Variants in ITPR2 observed in about 807,000 individuals in gnomAD.
The protein encoded by ITPR2 is inositol 1,4,5-trisphosphate receptor type 2.
Under a neutral mutation model 317.1 loss-of-function variants are expected in ITPR2, and 207 were observed. That is an observed-to-expected ratio of 0.65 (90% CI 0.58 to 0.73). The LOEUF (loss-of-function observed/expected upper bound fraction) is 0.73. Among genes scored for constraint, ITPR2 ranks in the 30% least tolerant of loss-of-function variants. The probability of loss-of-function intolerance (pLI) is 0.00; values close to 1 mark genes in which losing one functional copy is unlikely to be tolerated. For synonymous variants in ITPR2, 1,156 were observed against 1,149.1 expected (o/e 1.01, Z -0.12); for missense variants, 2,613 against 3,284.0 (o/e 0.80, Z 4.99).
Position 26,417,293 on chromosome 12 carries a change from A to G in ITPR2, c.7110+1756T>C, listed in dbSNP as rs1940749052. 2.6e-5 allele frequency among the ~76,000 whole-genome samples: 4 copies of G among 152,338 alleles called. No homozygotes were observed. In the South Asian group the frequency reaches 8.3e-4, roughly 32 times the overall value. ...TGTAAGATTTGAAAGATAAAAGACC[A>G]GAGGAAAATACAATTAGAAAATGGG... On this transcript the variant is annotated intron_variant, in intron 50 of 56. Transcript: ENST00000381340.
intron 20 of ITPR2, among the ~76,000 whole-genome samples, chr12:26,655,096 C>A (rs1222860323): frequency 3.9e-5 from 6 of 152,152 alleles, no homozygotes; most frequent in Admixed American, 3.9e-4. Flanking sequence ...ACTACATCCC[C>A]AAACTGAAAG....
At chr12:26,553,438 C>T (rs555960857) in intron 36 of ITPR2, among the ~76,000 whole-genome samples, 4 of 152,254 alleles carry the variant, frequency 2.6e-5, no homozygotes, top group Admixed American at 1.3e-4. Flanking sequence ...TAGGGCTTGG[C>T]CCTAAATTTA....
chr12:26,515,450 ACTGAC>A (rs1356606234), intron 37 of ITPR2, among the ~76,000 whole-genome samples: 70 of 152,100 alleles, frequency 4.6e-4, no homozygotes, highest in Non-Finnish European at 9.0e-4. Flanking sequence ...TAAGGCCCAC[ACTGAC>A]TTCCAGCATG....
Position 26,782,674 on chromosome 12 carries a change from T to C in ITPR2, c.163+7483A>G, listed in dbSNP as rs367647366. ...TGGTTGCATAACTTCTTATACTTAC[T>C]TTCTCCACTGCAAAATCAGGATAGC... On this transcript the variant is annotated intron_variant, in intron 2 of 56. Coordinates refer to ENST00000381340, the MANE Select transcript of ITPR2 (RefSeq NM_002223.4). 1.3e-3 allele frequency among the ~76,000 whole-genome samples: 200 copies of C among 152,310 alleles called. 3 individuals are homozygous for C. Among genetic ancestry groups the C allele is most frequent in the African/African-American group, 4.3e-4 (18 of 41,584 alleles).
In ITPR2 at chr12:26,515,852, G is replaced by A. The variant is rs376001257; in HGVS notation, c.5074-20592C>T. Among the ~76,000 whole-genome samples, 37 of 151,996 alleles carry A rather than the reference G, an allele frequency of 2.4e-4. No individual in the cohort carries two copies. The East Asian group carries it at 2.9e-3, about 12-fold the overall frequency. On this transcript the variant is annotated intron_variant, in intron 37 of 56. Coordinates refer to ENST00000381340, the MANE Select transcript of ITPR2 (RefSeq NM_002223.4). ...GGCCCGGGTATGGTGGCTCATGCCT[G>A]TAATCCCAGCACTTTGGGAGGCTGA...
At position 26,715,439 on chromosome 12, in the gene ITPR2, C is replaced by T. The variant is rs1948722475; in HGVS notation, c.715G>A (p.Val239Ile). The change falls in exon 8 of 57, where the codon GTT (valine) becomes ATT (isoleucine). Residue 239 changes from valine to isoleucine, a missense_variant. Val to Ile is a conservative substitution (Grantham distance 29). Coordinates refer to ENST00000381340, the MANE Select transcript of ITPR2 (RefSeq NM_002223.4). The part of the protein sequence containing the change: ...YREDVLKGGD[V>I]VRLFHAEQEK... ...TGTTCCGCATGAAATAATCTAACAA[C>T]GTCCCCCTAGCAAAAAGGTCAAGAG... 1 of 1,612,366 alleles carries T rather than the reference C, an allele frequency of 6.2e-7. No homozygotes were observed. The highest frequency in any genetic ancestry group is 8.5e-7 in the Non-Finnish European group (1 of 1,179,116).
intron 11 of ITPR2, 141 bp from the exon 12 acceptor site, chr12:26,682,814 G>C (rs983697382): frequency 1.7e-6 from 1 of 595,874 alleles, no homozygotes; most frequent in Admixed American, 3.1e-5. Flanking sequence ...GCTTTAAGGG[G>C]AAATTCGGAA....
intron 37 of ITPR2, among the ~76,000 whole-genome samples, chr12:26,544,472 G>A (rs1234695269): frequency 4.6e-5 from 7 of 151,760 alleles, no homozygotes; most frequent in Non-Finnish European, 1.0e-4. Flanking sequence ...TAGAATCCCA[G>A]GGTTGAGAAT....
intron 32 of ITPR2, among the ~76,000 whole-genome samples, chr12:26,583,398 T>C (rs1222697585): frequency 1.3e-5 from 2 of 152,140 alleles, no homozygotes; most frequent in Admixed American, 6.6e-5. Context: ...TCATTTCATA[T>C]GTATTTTTGC....
At chr12:26,426,913 CTAAA>C (rs1299182185) in intron 49 of ITPR2, among the ~76,000 whole-genome samples, 1 of 150,698 alleles carries the variant, frequency 6.6e-6, no homozygotes, top group African/African-American at 2.4e-5. Context: ...ATATTTATTA[CTAAA>C]TAAATATTTG....
chr12:26,411,707 C>T (rs1347088212), intron 51 of ITPR2, among the ~76,000 whole-genome samples: 1 of 152,144 alleles, frequency 6.6e-6, no homozygotes, highest in East Asian at 1.9e-4. Flanking sequence ...AATAATGTTT[C>T]CATGGGCAAA....
At chr12:26,821,874 T>C (rs1323856474) in intron 1 of ITPR2, among the ~76,000 whole-genome samples, 1 of 152,244 alleles carries the variant, frequency 6.6e-6, no homozygotes, top group Non-Finnish European at 1.5e-5. Flanking sequence ...CTCTATTCTC[T>C]GAAATTTTTA....
In ITPR2 at chr12:26,691,759, G is replaced by A. The variant is rs554487526; in HGVS notation, c.996+3847C>T. 2.0e-4 allele frequency among the ~76,000 whole-genome samples: 30 copies of A among 152,134 alleles called. No homozygotes were observed. The South Asian group carries it at 3.6e-3, about 18-fold the overall frequency. On this transcript the variant is annotated intron_variant, in intron 10 of 56. Transcript: ENST00000381340. ...ACAGACATCACGTTGCAATTCTGTT[G>A]TTGGGAGCCAGAGACATTCTGTAAG...
chr12:26,832,761 G>T lies in ITPR2; in HGVS notation c.21C>A (p.Ser7Arg), dbSNP rs751052733. 2.5e-6 allele frequency: 4 copies of T among 1,602,422 alleles called. No homozygotes were observed. The South Asian group carries it at 4.5e-5, about 18-fold the overall frequency. MTEKMS[S>R]FLYIGDIVSL... ...ACACGATGTCCCCTATGTAGAGGAA[G>T]CTGGACATTTTCTCAGTCATGCTGC... is the stretch of plus-strand genomic sequence containing the variant. Residue 7 changes from serine to arginine, a missense_variant, in exon 1 of 57, where the codon AGC (serine) becomes AGA (arginine). Around this residue, in one of 9 missense-constraint regions of ITPR2, gnomAD observed 515 missense variants for 789.4 expected, o/e 0.65. Coordinates refer to ENST00000381340, the MANE Select transcript of ITPR2 (RefSeq NM_002223.4).
At chr12:26,828,823 TCTAACAA>T (rs2137310598) in intron 1 of ITPR2, among the ~76,000 whole-genome samples, 1 of 152,274 alleles carries the variant, frequency 6.6e-6, no homozygotes, top group African/African-American at 2.4e-5. Flanking sequence ...TAGCATCTTA[TCTAACAA>T]CTGCCACAGA....
Position 26,427,939 on chromosome 12 carries a change from T to C in ITPR2, c.6919A>G (p.Thr2307Ala). The change falls in exon 49 of 57, where the codon ACA becomes GCA. Residue 2307 changes from threonine to alanine, a missense_variant. By Grantham distance (58) the Thr-to-Ala change is moderately conservative. Around this residue, in one of 9 missense-constraint regions of ITPR2, gnomAD observed 78 missense variants for 110.3 expected, o/e 0.71. Coordinates refer to ENST00000381340, the MANE Select transcript of ITPR2 (RefSeq NM_002223.4). ...RSIYTIGLGP[T>A]LILLGAANLC... Reference sequence around the variant, plus strand: ...TTAGCTGCACCAAGAAGTATTAATGTAGGCCCAAGACCTATTGTATATATT... The same window carrying C: ...TTAGCTGCACCAAGAAGTATTAATGCAGGCCCAAGACCTATTGTATATATT... 1 of 1,592,666 alleles carries C rather than the reference T, an allele frequency of 6.3e-7. No homozygotes were observed. Among genetic ancestry groups the C allele is most frequent in the Non-Finnish European group, 8.5e-7 (1 of 1,170,874 alleles).
chr12:26,452,742 T>G (rs1941770956), intron 45 of ITPR2, among the ~76,000 whole-genome samples: 1 of 152,214 alleles, frequency 6.6e-6, no homozygotes, highest in African/African-American at 2.4e-5. Context: ...AGCACACGCC[T>G]GCTTCCTTTT....
intron 49 of ITPR2, among the ~76,000 whole-genome samples, chr12:26,426,126 C>T (rs545788804): frequency 5.9e-5 from 9 of 152,104 alleles, no homozygotes; most frequent in Non-Finnish European, 1.3e-4. Flanking sequence ...ATAACAGAGG[C>T]CCAGTAAATG....
At chr12:26,528,761 T>C (rs1454280679) in intron 37 of ITPR2, among the ~76,000 whole-genome samples, 5 of 152,232 alleles carry the variant, frequency 3.3e-5, no homozygotes, top group African/African-American at 1.2e-4. Flanking sequence ...CTGGCAGGAA[T>C]AGGAGTAATT....
Sources: allele counts gnomAD v4.1 joint callset (sites outside exome capture counted in the v4.1 genomes callset), GRCh38; gene constraint gnomAD v4.1.1; regional missense constraint gnomAD v4.1.1; transcripts MANE v1.5; gene names NCBI Gene and HGNC (gene_info 2026-07-23, HGNC 2026-07-21).